Variants in CNST observed in about 807,000 individuals in gnomAD.
The protein encoded by CNST is consortin.
Under a neutral mutation model 72.4 loss-of-function variants are expected in CNST, and 39 were observed. The observed-to-expected ratio is 0.54, with a 90% confidence interval of 0.42 to 0.70. The LOEUF (loss-of-function observed/expected upper bound fraction) is 0.70. Among genes scored for constraint, CNST ranks in the 30% least tolerant of loss-of-function variants. The probability of loss-of-function intolerance (pLI) is 0.00; values close to 1 mark genes in which losing one functional copy is unlikely to be tolerated. For missense variants in CNST, 871 were observed against 868.5 expected, an observed-to-expected ratio of 1.00 and a Z score of -0.04; for synonymous variants, 332 against 320.1, an observed-to-expected ratio of 1.04 and a Z score of -0.40.
intron 9 of CNST, among the ~76,000 whole-genome samples, chr1:246,652,770 C>T (rs12566422): frequency 1.7e-3 from 243 of 140,602 alleles, no homozygotes; most frequent in Middle Eastern, 0.012. Context: ...TTTGGGAGGC[C>T]AAGGCGGGCG....
chr1:246,588,121 CTTTA>C (rs1661308081), intron 1 of CNST, among the ~76,000 whole-genome samples: 1 of 151,860 alleles, frequency 6.6e-6, no homozygotes, highest in African/African-American at 2.4e-5. Context: ...AGAACTAAAT[CTTTA>C]TGAAATTATA....
chr1:246,572,149 C>T (rs1358373473), intron 1 of CNST, among the ~76,000 whole-genome samples: 1 of 152,166 alleles, frequency 6.6e-6, no homozygotes, highest in East Asian at 1.9e-4. Flanking sequence ...GGAGGATCAC[C>T]TAAGCACAGG....
At position 246,647,586 on chromosome 1, in the gene CNST, T is replaced by C; in HGVS notation, c.1385T>C (p.Leu462Ser). 1 of 1,614,252 alleles carries C rather than the reference T, an allele frequency of 6.2e-7. No homozygotes were observed. Among genetic ancestry groups the C allele is most frequent in the African/African-American group, 1.3e-5 (1 of 75,072 alleles). Reference protein sequence around the residue: ...YSQAQRKELRLPLRDASEALP... With the variant: ...YSQAQRKELRSPLRDASEALP... ...CAGGCTCAGAGGAAAGAACTCCGTT[T>C]GCCACTTCGGGATGCTTCTGAGGCG... The change falls in exon 9 of 11, where the codon TTG (leucine) becomes TCG (serine). Residue 462 changes from leucine (L) to serine (S), a missense_variant. Coordinates refer to ENST00000366513, the MANE Select transcript of CNST (RefSeq NM_152609.3).
rs1491252940 is a variant in CNST at position 246,642,132 on chromosome 1, G to GTTTTTTTTTTTTTTTT, written c.937+95_937+96insTTTTTTTTTTTTTTTT. On this transcript the variant is annotated intron_variant, in intron 8 of 10. Transcript: ENST00000366513. ...ACATCTGAATTGCTGCAAAGGATCTGGTTTTTTTTTTTTTTTTTTTTTGCA... is the reference window on the plus strand; with the variant it reads ...ACATCTGAATTGCTGCAAAGGATCTGTTTTTTTTTTTTTTTTGTTTTTTTTTTTTTTTTTTTTTGCA... 146 of 198,330 alleles carry GTTTTTTTTTTTTTTTT rather than the reference G, an allele frequency of 7.4e-4. 18 individuals carry two copies. Among genetic ancestry groups the GTTTTTTTTTTTTTTTT allele is most frequent in the African/African-American group, 6.7e-3 (126 of 18,810 alleles). The allele number at this position is 198,330 out of a possible 1,614,324, so 12.3% of individuals were successfully genotyped here. A position where few individuals can be genotyped will look rare whatever the true frequency, so the allele number is the denominator to read the frequency against.
At chr1:246,595,608 G>A (rs1299426608) in intron 2 of CNST, among the ~76,000 whole-genome samples, 2 of 152,116 alleles carry the variant, frequency 1.3e-5, no homozygotes, top group East Asian at 1.9e-4. Flanking sequence ...TTTTTCAGAC[G>A]TGTACTTTTC....
intron 9 of CNST, among the ~76,000 whole-genome samples, chr1:246,651,503 C>G (rs907018829): frequency 1.3e-5 from 2 of 152,134 alleles, no homozygotes; most frequent in Non-Finnish European, 2.9e-5. Flanking sequence ...TGGTTTTGAT[C>G]ATCATTGCCA....
chr1:246,646,275 G>A (rs1216596637), intron 8 of CNST, among the ~76,000 whole-genome samples: 11 of 56,230 alleles, frequency 2.0e-4, no homozygotes, highest in Admixed American at 6.7e-4. Context: ...GCGAAACTCC[G>A]TCTCAAAAAA....
At chr1:246,574,038 C>T (rs1232539229) in intron 1 of CNST, among the ~76,000 whole-genome samples, 1 of 152,126 alleles carries the variant, frequency 6.6e-6, no homozygotes, top group Non-Finnish European at 1.5e-5. Flanking sequence ...AGTAATAATG[C>T]TCCAAAGATG....
intron 1 of CNST, among the ~76,000 whole-genome samples, chr1:246,567,505 C>T (rs749289096): frequency 4.6e-5 from 7 of 152,156 alleles, no homozygotes; most frequent in Non-Finnish European, 8.8e-5. Flanking sequence ...AGAATACGTA[C>T]AATCCTTTCT....
chr1:246,665,119 C>T (rs1341006255), intron 10 of CNST, among the ~76,000 whole-genome samples: 1 of 152,116 alleles, frequency 6.6e-6, no homozygotes, highest in Non-Finnish European at 1.5e-5. Flanking sequence ...CCTGTAATCC[C>T]AGTACTTTGA....
intron 1 of CNST, among the ~76,000 whole-genome samples, chr1:246,584,748 ATTTTAAACC>A (rs1324575527): frequency 6.6e-6 from 1 of 152,106 alleles, no homozygotes; most frequent in Non-Finnish European, 1.5e-5. Flanking sequence ...CACACTGGCT[ATTTTAAACC>A]TTCTATATGC....
chr1:246,666,115 G>A lies in CNST; in HGVS notation c.*210G>A. 1.8e-6 allele frequency: 1 copy of A among 551,074 alleles called. No homozygotes were observed. Among genetic ancestry groups the A allele is most frequent in the Non-Finnish European group, 3.2e-6 (1 of 308,284 alleles). 34.1% of individuals were successfully genotyped at this position (551,074 alleles called of 1,614,324 possible). ...AATATCAATCTAAGCATTGTGGATGGAAGGAATGGTCTTTGGAGAGAGCAT... is the reference window on the plus strand; with the variant it reads ...AATATCAATCTAAGCATTGTGGATGAAAGGAATGGTCTTTGGAGAGAGCAT... On this transcript the variant is annotated 3_prime_UTR_variant, in exon 11 of 11. Transcript: ENST00000366513.
At chr1:246,643,214 A>G (rs556057549) in intron 8 of CNST, among the ~76,000 whole-genome samples, 6 of 152,242 alleles carry the variant, frequency 3.9e-5, no homozygotes, top group African/African-American at 1.4e-4. Flanking sequence ...TTTACAAAGT[A>G]TATTTTTATT....
Position 246,651,814 on chromosome 1 carries a change from T to A in CNST, c.1836+3777T>A, listed in dbSNP as rs569157859. Among the ~76,000 whole-genome samples the A allele has an allele frequency of 2.1e-4, 32 of 152,302 alleles. No individual in the cohort carries two copies. In the South Asian group the frequency reaches 6.4e-3, roughly 31 times the overall value. ...TACTGTTTTTAAAAAGCATCAAAAA[T>A]TTTATCCTCCTTTCATAGATTTTTA... On this transcript the variant is annotated intron_variant, in intron 9 of 10. Coordinates refer to ENST00000366513, the MANE Select transcript of CNST (RefSeq NM_152609.3).
chr1:246,580,814 C>T (rs763625097), intron 1 of CNST, among the ~76,000 whole-genome samples: 2 of 151,972 alleles, frequency 1.3e-5, no homozygotes, highest in East Asian at 1.9e-4. Flanking sequence ...GATCTTAGCT[C>T]ACTGCAACCT....
At chr1:246,567,349 C>T (rs912854024) in intron 1 of CNST, among the ~76,000 whole-genome samples, 2 of 132,840 alleles carry the variant, frequency 1.5e-5, no homozygotes, top group African/African-American at 5.4e-5. Context: ...GAAATTTTGG[C>T]AGTCTTTTTT....
intron 3 of CNST, among the ~76,000 whole-genome samples, chr1:246,625,564 G>GACAT: frequency 6.6e-6 from 1 of 151,568 alleles, no homozygotes; most frequent in South Asian, 2.1e-4. Context: ...TGGGACTACA[G>GACAT]GCCCGTGCCA....
At chr1:246,590,859 CTT>C (rs373861233) in intron 1 of CNST, among the ~76,000 whole-genome samples, 10 of 135,760 alleles carry the variant, frequency 7.4e-5, no homozygotes, top group African/African-American at 8.3e-5. Flanking sequence ...TAACCATGGC[CTT>C]TTTTTTTTTT....
intron 2 of CNST, among the ~76,000 whole-genome samples, chr1:246,608,747 C>G (rs1036783336): frequency 6.6e-6 from 1 of 152,150 alleles, no homozygotes; most frequent in Non-Finnish European, 1.5e-5. Flanking sequence ...TTTTCAAATT[C>G]CACTGGAGTT....
Sources: allele counts gnomAD v4.1 joint callset (sites outside exome capture counted in the v4.1 genomes callset), GRCh38; gene constraint gnomAD v4.1.1; transcripts MANE v1.5; gene names NCBI Gene and HGNC (gene_info 2026-07-23, HGNC 2026-07-21).